Variants in MYO1B observed in about 807,000 individuals in gnomAD.
The protein encoded by MYO1B is unconventional myosin-Ib.
In MYO1B, 72 loss-of-function variants were observed where a neutral mutation model predicts 159.7. The observed-to-expected ratio is 0.45, with a 90% CI of 0.37 to 0.55. The LOEUF is 0.55. Ranked by LOEUF, MYO1B falls within the 20% of genes least tolerant of loss-of-function variation. The probability of loss-of-function intolerance (pLI) is 0.00; values close to 1 mark genes in which losing one functional copy is unlikely to be tolerated. For missense variants in MYO1B, 1,062 were observed against 1,364.8 expected, an observed-to-expected ratio of 0.78 and a Z score of 3.50; for synonymous variants, 468 against 473.8, an observed-to-expected ratio of 0.99 and a Z score of 0.16.
chr2:191,298,094 T>A (rs1389356078), intron 3 of MYO1B, among the ~76,000 whole-genome samples: 1 of 152,258 alleles, frequency 6.6e-6, no homozygotes, highest in Non-Finnish European at 1.5e-5. Flanking sequence ...GGAACATATA[T>A]ATACCACTGT....
intron 4 of MYO1B, among the ~76,000 whole-genome samples, chr2:191,330,287 C>G (rs1691385593): frequency 6.6e-6 from 1 of 152,132 alleles, no homozygotes; most frequent in African/African-American, 2.4e-5. Flanking sequence ...CTGGATGGTG[C>G]AAGATCTTTT....
intron 24 of MYO1B, among the ~76,000 whole-genome samples, chr2:191,406,383 G>A (rs762172940): frequency 9.2e-5 from 14 of 152,102 alleles, no homozygotes; most frequent in South Asian, 2.1e-4. Context: ...TTGGCTGTTT[G>A]GCACAAGGGT....
At chr2:191,312,996 C>T (rs565340945) in intron 3 of MYO1B, among the ~76,000 whole-genome samples, 16 of 152,118 alleles carry the variant, frequency 1.1e-4, no homozygotes, top group African/African-American at 1.4e-4. Context: ...GTATAAGGAA[C>T]GATTAGTCAG....
chr2:191,380,236 G>A (rs1020071621), intron 13 of MYO1B, among the ~76,000 whole-genome samples: 3 of 152,168 alleles, frequency 2.0e-5, no homozygotes, highest in African/African-American at 7.2e-5. Flanking sequence ...TCCTAAGTAA[G>A]ACCAAAGTTG....
chr2:191,332,618 A>G (rs1216504044), intron 4 of MYO1B, among the ~76,000 whole-genome samples: 2 of 152,156 alleles, frequency 1.3e-5, no homozygotes, highest in South Asian at 2.1e-4. Flanking sequence ...ATTTACATGT[A>G]TGAGATAAGT....
chr2:191,340,789 G>T (rs890897200), intron 4 of MYO1B, among the ~76,000 whole-genome samples: 1 of 151,652 alleles, frequency 6.6e-6, no homozygotes, highest in African/African-American at 2.4e-5. Flanking sequence ...GCAGTGGTGC[G>T]ATCTCAGCTC....
chr2:191,297,281 A>T (rs556601135), intron 3 of MYO1B, among the ~76,000 whole-genome samples: 10 of 152,284 alleles, frequency 6.6e-5, no homozygotes, highest in African/African-American at 1.9e-4. Context: ...TTTTACCAGA[A>T]TTCACGTACT....
At chr2:191,296,427 T>C (rs1559148021) in intron 3 of MYO1B, among the ~76,000 whole-genome samples, 1 of 152,246 alleles carries the variant, frequency 6.6e-6, no homozygotes, top group African/African-American at 2.4e-5. Context: ...GTCAGACTTT[T>C]CTGAAATATT....
chr2:191,381,937 T>C (rs1355942973), intron 14 of MYO1B, among the ~76,000 whole-genome samples: 1 of 152,228 alleles, frequency 6.6e-6, no homozygotes, highest in African/African-American at 2.4e-5. Flanking sequence ...TCAAAAAGTA[T>C]TGAGTATTCA....
At chr2:191,366,423 G>A (rs780913551) in intron 11 of MYO1B, among the ~76,000 whole-genome samples, 4 of 151,764 alleles carry the variant, frequency 2.6e-5, no homozygotes, top group Non-Finnish European at 5.9e-5. Flanking sequence ...AGAGTATCTG[G>A]TTCTACTGAT....
intron 3 of MYO1B, among the ~76,000 whole-genome samples, chr2:191,303,863 G>A (rs1432392440): frequency 2.0e-5 from 3 of 152,214 alleles, no homozygotes; most frequent in African/African-American, 7.2e-5. Context: ...GGGGATTAGA[G>A]CTTTGTTTGC....
At chr2:191,374,218 A>G (rs920666596) in intron 13 of MYO1B, among the ~76,000 whole-genome samples, 2 of 152,240 alleles carry the variant, frequency 1.3e-5, no homozygotes, top group African/African-American at 2.4e-5. Flanking sequence ...GTTGAAGTAC[A>G]AGGGGTCAGA....
At chr2:191,417,437 C>T (rs1697645852) in intron 30 of MYO1B, among the ~76,000 whole-genome samples, 1 of 152,012 alleles carries the variant, frequency 6.6e-6, no homozygotes, top group South Asian at 2.1e-4. Context: ...CTTTAAAATC[C>T]CTTTATAATA....
chr2:191,254,777 C>T (rs1184184623), intron 1 of MYO1B, among the ~76,000 whole-genome samples: 1 of 151,966 alleles, frequency 6.6e-6, no homozygotes, highest in Non-Finnish European at 1.5e-5. Flanking sequence ...AGGTGTAAGT[C>T]ACCACACCTG....
intron 27 of MYO1B, among the ~76,000 whole-genome samples, chr2:191,412,801 T>C (rs1697327438): frequency 6.6e-6 from 1 of 151,898 alleles, no homozygotes; most frequent in Admixed American, 6.6e-5. Flanking sequence ...GATATCTTAG[T>C]GATAAGTGTA....
intron 2 of MYO1B, among the ~76,000 whole-genome samples, chr2:191,279,811 T>C (rs1687949544): frequency 6.6e-6 from 1 of 152,280 alleles, no homozygotes; most frequent in Non-Finnish European, 1.5e-5. Flanking sequence ...TTTTATATTA[T>C]AAAAATGGGT....
chr2:191,394,823 G>A (rs1207325839), intron 20 of MYO1B, among the ~76,000 whole-genome samples: 1 of 152,176 alleles, frequency 6.6e-6, no homozygotes, highest in African/African-American at 2.4e-5. Flanking sequence ...TTTATCATTA[G>A]TTCATGATGT....
chr2:191,299,970 G>C (rs1349938), intron 3 of MYO1B, among the ~76,000 whole-genome samples: 80,501 of 152,020 alleles, frequency 0.53, 22,057 homozygotes, highest in East Asian at 0.65. Flanking sequence ...GTAATAATAA[G>C]GTATGTGGGA....
chr2:191,337,394 A>T (rs1559179530), intron 4 of MYO1B, among the ~76,000 whole-genome samples: 1 of 152,174 alleles, frequency 6.6e-6, no homozygotes, highest in Non-Finnish European at 1.5e-5. Flanking sequence ...CCCTTACAGG[A>T]CTTTAAAATC....
Sources: gnomAD v4.1 joint callset for allele counts (sites outside exome capture counted in the v4.1 genomes callset) on GRCh38, gnomAD v4.1.1 for gene constraint, MANE v1.5 for transcripts, NCBI Gene and HGNC (gene_info 2026-07-23, HGNC 2026-07-21) for gene names.